Variants in FEZ1 observed in about 807,000 individuals in gnomAD.
The protein encoded by FEZ1 is fasciculation and elongation protein zeta-1.
FEZ1 carries 20 observed loss-of-function variants against 49.3 expected under a neutral mutation model. The observed-to-expected ratio is 0.41, with a 90% CI of 0.29 to 0.59. FEZ1 has a LOEUF of 0.59. Ranked by LOEUF, FEZ1 falls within the 20% of genes least tolerant of loss-of-function variation. The probability of loss-of-function intolerance (pLI) is 0.36; values close to 1 mark genes in which losing one functional copy is unlikely to be tolerated. For missense variants in FEZ1, 413 were observed against 476.0 expected, an observed-to-expected ratio of 0.87 and a Z score of 1.23; for synonymous variants, 170 against 180.9, an observed-to-expected ratio of 0.94 and a Z score of 0.48.
At chr11:125,474,717 G>A (rs1347210795) in intron 3 of FEZ1, among the ~76,000 whole-genome samples, 5 of 150,754 alleles carry the variant, frequency 3.3e-5, no homozygotes, top group South Asian at 2.1e-4. Flanking sequence ...GTGAAACCCC[G>A]TCTCTACTAA....
intron 3 of FEZ1, among the ~76,000 whole-genome samples, chr11:125,473,592 G>A (rs549104492): frequency 9.3e-4 from 142 of 152,294 alleles, no homozygotes; most frequent in African/African-American, 2.8e-3. Flanking sequence ...GCCAAGACGG[G>A]TGGATCACTT....
intron 2 of FEZ1, 50 bp from the exon 3 acceptor site, chr11:125,481,683 G>C (rs147641422): frequency 7.7e-7 from 1 of 1,292,264 alleles, no homozygotes; most frequent in Non-Finnish European, 1.1e-6. Flanking sequence ...GCCTGGCCCC[G>C]CCTGGAGGAA....
chr11:125,491,885 G>T (rs12282843), intron 1 of FEZ1, among the ~76,000 whole-genome samples: 1,830 of 152,266 alleles, frequency 0.012, 34 homozygotes, highest in African/African-American at 0.032. Context: ...AAGAAGACAG[G>T]CTCGAGAGCC....
chr11:125,460,277 G>A, intron 5 of FEZ1: 2 of 443,868 alleles, frequency 4.5e-6, no homozygotes, highest in Non-Finnish European at 7.9e-6. Flanking sequence ...TCTTTGGTTA[G>A]TTTTAACATT....
chr11:125,478,605 C>T (rs1957253677), intron 3 of FEZ1, among the ~76,000 whole-genome samples: 1 of 152,286 alleles, frequency 6.6e-6, no homozygotes, highest in East Asian at 1.9e-4. Context: ...ATCGTTTAAA[C>T]TTAGGGCAGT....
At chr11:125,458,235 C>A (rs754534071) in intron 5 of FEZ1, among the ~76,000 whole-genome samples, 2 of 152,238 alleles carry the variant, frequency 1.3e-5, no homozygotes, top group Non-Finnish European at 2.9e-5. Flanking sequence ...GACCAACCCA[C>A]CTTCTCCCTC....
chr11:125,456,710 T>G (rs771987325), intron 5 of FEZ1, among the ~76,000 whole-genome samples: 1 of 152,164 alleles, frequency 6.6e-6, no homozygotes, highest in Non-Finnish European at 1.5e-5. Context: ...TCAGCTACTT[T>G]CAAAGGAAAG....
chr11:125,455,889 T>C lies in FEZ1; in HGVS notation c.885A>G (p.Lys295=), dbSNP rs770953106. The C allele has an allele frequency of 1.9e-6, 3 of 1,613,812 alleles. No individual in the cohort carries two copies. The highest frequency in any genetic ancestry group is 2.5e-6 in the Non-Finnish European group (3 of 1,179,984). The change falls in exon 6 of 10, where the codon AAA becomes AAG. Residue 295 remains lysine, a synonymous_variant. Transcript: ENST00000278919. The part of the protein sequence containing the change: ...RELMKKRRKE[K]GLSLQSSRIE... The stretch of plus-strand genomic sequence containing the variant: ...TCCGGCTGCTCTGCAGGCTCAGCCC[T>C]TTCTCTTTCCGCCTCTTTTTCATCA...
intron 3 of FEZ1, among the ~76,000 whole-genome samples, chr11:125,479,630 T>C (rs1957262012): frequency 6.6e-6 from 1 of 152,194 alleles, no homozygotes; most frequent in South Asian, 2.1e-4. Flanking sequence ...GATGATATCA[T>C]GGAGGTGGGA....
chr11:125,490,875 T>C (rs1023019522), intron 1 of FEZ1, among the ~76,000 whole-genome samples: 5 of 151,944 alleles, frequency 3.3e-5, no homozygotes, highest in South Asian at 2.1e-4. Context: ...CCAATCCTCA[T>C]GCCTTGGCCT....
At position 125,456,118 on chromosome 11, in the gene FEZ1, G is replaced by C; in HGVS notation, c.668-12C>G. 6.4e-7 allele frequency: 1 copy of C among 1,569,950 alleles called. No individual in the cohort carries two copies. The highest frequency in any genetic ancestry group is 1.2e-5 in the South Asian group (1 of 84,868). On this transcript the variant is annotated splice_polypyrimidine_tract_variant and intron_variant, in intron 5 of 9. Coordinates refer to ENST00000278919, the MANE Select transcript of FEZ1 (RefSeq NM_005103.5). ...CATGTGCCTCAGCCCTGCAGGGGAA[G>C]ACCGTCTCCCGCATAACACCTGCAT...
At chr11:125,470,417 C>A (rs1246498034) in intron 3 of FEZ1, among the ~76,000 whole-genome samples, 2 of 152,000 alleles carry the variant, frequency 1.3e-5, no homozygotes, top group African/African-American at 4.8e-5. Flanking sequence ...GAATTATGGG[C>A]GGGGAAAAAT....
Position 125,445,828 on chromosome 11 carries a change from T to C in FEZ1, c.*267A>G, listed in dbSNP as rs1956893165. On this transcript the variant is annotated 3_prime_UTR_variant, in exon 10 of 10. Transcript: ENST00000278919. This position sits in a 1 kb window ranked among gnomAD's most constrained non-coding sequence, Gnocchi z 4.4. ...TTTTGAGGGCTGTAGCCAGACTACA[T>C]AATGAGCGGTGAAAGCGGCTGCCTT... is the stretch of plus-strand genomic sequence containing the variant. The C allele has an allele frequency of 1.9e-6, 1 of 513,554 alleles. No individual in the cohort carries two copies. The highest frequency in any genetic ancestry group is 1.9e-5 in the African/African-American group (1 of 52,104). 31.8% of individuals were successfully genotyped at this position (513,554 alleles called of 1,614,324 possible). A position where few individuals can be genotyped will look rare whatever the true frequency, so the allele number is the denominator to read the frequency against.
chr11:125,481,641 CA>C lies in FEZ1; in HGVS notation c.312-9del. On this transcript the variant is annotated splice_polypyrimidine_tract_variant and intron_variant, in intron 2 of 9. Coordinates refer to ENST00000278919, the MANE Select transcript of FEZ1 (RefSeq NM_005103.5). ...GTCAGAGCATCCCAAACCCTGTAAA[CA>C]AAGAGAAGCTCTCATTAACACACAT... 2 of 1,581,960 alleles carry C rather than the reference CA, an allele frequency of 1.3e-6. No individual in the cohort carries two copies. The highest frequency in any genetic ancestry group is 1.7e-6 in the Non-Finnish European group (2 of 1,150,958).
intron 4 of FEZ1, among the ~76,000 whole-genome samples, chr11:125,461,542 G>C (rs932565866): frequency 6.6e-6 from 1 of 152,194 alleles, no homozygotes; most frequent in East Asian, 1.9e-4. Context: ...AAGAGGTAGA[G>C]GTTGCAGTGA....
chr11:125,450,639 G>A (rs12281310), intron 8 of FEZ1, among the ~76,000 whole-genome samples: 1,699 of 152,170 alleles, frequency 0.011, 30 homozygotes, highest in African/African-American at 0.03. Context: ...CAGGAGAATT[G>A]GTATTCAGAA....
Position 125,448,532 on chromosome 11 carries a change from G to C in FEZ1, c.1132C>G (p.Pro378Ala). The C allele has an allele frequency of 6.2e-7, 1 of 1,612,304 alleles. No individual in the cohort carries two copies. ...AAAATGTAGTCCGTTAGCAAAGTAG[G>C]CACCTTCTCATTATCCTCCTTCATG... ...FAMKEDNEKV[P>A]TLLTDYILKV... Residue 378 changes from proline to alanine, a missense_variant, in exon 9 of 10, where the codon CCT becomes GCT. Pro to Ala is a conservative substitution (Grantham distance 27). Transcript: ENST00000278919.
chr11:125,485,208 G>T (rs1957316096), intron 2 of FEZ1, among the ~76,000 whole-genome samples: 1 of 152,154 alleles, frequency 6.6e-6, no homozygotes, highest in Admixed American at 6.5e-5. Context: ...CTCCATCCCT[G>T]TATAACAGAA....
At chr11:125,451,401 G>A (rs984252474) in intron 8 of FEZ1, 17 of 152,292 alleles carry the variant, frequency 1.1e-4, no homozygotes, top group African/African-American at 3.6e-4. Flanking sequence ...AAAATGAAAC[G>A]TTTGGTCACC....
Sources: gnomAD v4.1 joint callset for allele counts (sites outside exome capture counted in the v4.1 genomes callset) on GRCh38, gnomAD v4.1.1 for gene constraint, Gnocchi (gnomAD v3.1) non-coding constraint, MANE v1.5 for transcripts, NCBI Gene and HGNC (gene_info 2026-07-23, HGNC 2026-07-21) for gene names.